SDC2: variants seen among roughly 807,000 people sequenced by gnomAD.
SDC2 encodes the protein syndecan-2.
Under a neutral mutation model 22.2 loss-of-function variants are expected in SDC2, and 13 were observed. The ratio of observed to expected loss-of-function variants is 0.59; its 90% confidence interval spans 0.38 to 0.93. The LOEUF (loss-of-function observed/expected upper bound fraction) is 0.93. Ranked by LOEUF, SDC2 falls within the 40% of genes least tolerant of loss-of-function variation. SDC2 has a pLI of 0.00. For synonymous variants in SDC2, 94 were observed against 92.8 expected, an observed-to-expected ratio of 1.01 and a Z score of -0.07; for missense variants, 235 against 246.8, an observed-to-expected ratio of 0.95 and a Z score of 0.32.
chr8:96,502,776 T>C (rs1294603196), intron 1 of SDC2, among the ~76,000 whole-genome samples: 2 of 152,234 alleles, frequency 1.3e-5, no homozygotes, highest in Non-Finnish European at 2.9e-5. Context: ...TAAAACTGAA[T>C]ATCCTAAAAT....
intron 1 of SDC2, among the ~76,000 whole-genome samples, chr8:96,593,074 A>G (rs749186508): frequency 2.6e-5 from 4 of 152,230 alleles, no homozygotes; most frequent in Non-Finnish European, 4.4e-5. Flanking sequence ...ATACCTTTGC[A>G]TACATCCCCA....
intron 1 of SDC2, among the ~76,000 whole-genome samples, chr8:96,519,780 C>T (rs953349722): frequency 3.3e-5 from 5 of 151,952 alleles, no homozygotes; most frequent in Admixed American, 2.6e-4. Context: ...ATTACAGGCG[C>T]GCACCTCCAC....
chr8:96,495,638 G>A (rs1302580853), intron 1 of SDC2, among the ~76,000 whole-genome samples: 1 of 152,072 alleles, frequency 6.6e-6, no homozygotes, highest in African/African-American at 2.4e-5. Flanking sequence ...TCATCTTAAG[G>A]TCTTTTAGGT....
intron 1 of SDC2, among the ~76,000 whole-genome samples, chr8:96,556,895 C>G: frequency 6.7e-6 from 1 of 149,922 alleles, no homozygotes; most frequent in East Asian, 2.0e-4. Context: ...GGCTAATATC[C>G]AGAATCTACA....
intron 1 of SDC2, among the ~76,000 whole-genome samples, chr8:96,536,983 C>A (rs1282360167): frequency 1.3e-5 from 2 of 152,174 alleles, no homozygotes; most frequent in Non-Finnish European, 2.9e-5. Context: ...TCTAAACTGA[C>A]AATGGCAGGC....
chr8:96,604,756 C>T (rs1433765015), intron 3 of SDC2, among the ~76,000 whole-genome samples: 1 of 152,302 alleles, frequency 6.6e-6, no homozygotes, highest in African/African-American at 2.4e-5. Flanking sequence ...ATTTCCATGG[C>T]ATCCAAACAA....
At chr8:96,602,356 T>G in intron 2 of SDC2, 39 bp from the exon 3 acceptor site, 1 of 1,605,162 alleles carries the variant, frequency 6.2e-7, no homozygotes, top group South Asian at 1.1e-5. Flanking sequence ...ATCTGTGTCA[T>G]GATTGCCATG....
chr8:96,593,391 G>A, intron 1 of SDC2, 89 bp from the exon 2 acceptor site: 1 of 798,896 alleles, frequency 1.3e-6, no homozygotes, highest in Non-Finnish European at 2.1e-6. Flanking sequence ...GGGAGGGGTA[G>A]TCACTGCAGT....
In SDC2 at chr8:96,602,410, TAG is replaced by T. The variant is rs761357226; in HGVS notation, c.193_194del (p.Pro66ArgfsTer15). On this transcript the variant is annotated frameshift_variant, in exon 3 of 5. Transcript: ENST00000302190. LOFTEE classifies it high-confidence loss of function. ...ACTTTTCCAGGAGCTGATGAGGATGTAGAGAGTCCAGAGCTGACAACATCTCG... is the reference window on the plus strand; with the variant it reads ...ACTTTTCCAGGAGCTGATGAGGATGTAGAGTCCAGAGCTGACAACATCTCG... The T allele has an allele frequency of 1.2e-6, 2 of 1,614,126 alleles. No homozygotes were observed. The highest frequency in any genetic ancestry group is 8.5e-7 in the Non-Finnish European group (1 of 1,179,996).
intron 1 of SDC2, among the ~76,000 whole-genome samples, chr8:96,530,316 A>C (rs1421495546): frequency 6.6e-6 from 1 of 152,216 alleles, no homozygotes; most frequent in Non-Finnish European, 1.5e-5. Context: ...AAAAATCAGA[A>C]TATACCACCA....
At chr8:96,532,420 T>TTG (rs1813677993) in intron 1 of SDC2, among the ~76,000 whole-genome samples, 2 of 142,614 alleles carry the variant, frequency 1.4e-5, no homozygotes, top group South Asian at 2.4e-4. Context: ...GCGTTTTTTT[T>TTG]TTTTTTTTTT....
chr8:96,494,126 C>T lies in SDC2; in HGVS notation c.-146C>T. The T allele has an allele frequency of 2.6e-6, 2 of 777,770 alleles. No homozygotes were observed. Among genetic ancestry groups the T allele is most frequent in the Non-Finnish European group, 3.9e-6 (2 of 508,992 alleles). 48.2% of individuals were successfully genotyped at this position (777,770 alleles called of 1,614,324 possible). On this transcript the variant is annotated 5_prime_UTR_variant, in exon 1 of 5. Transcript: ENST00000302190. ...GGAGGAAGCGAGCGCCCCCGAGCCC[C>T]GAGCCCGAGTCCCCGAGCCTGAGCC...
chr8:96,517,617 A>G (rs1249757063), intron 1 of SDC2, among the ~76,000 whole-genome samples: 1 of 152,108 alleles, frequency 6.6e-6, no homozygotes, highest in East Asian at 1.9e-4. Flanking sequence ...TTCTTGGCAC[A>G]CTTGTTGAAA....
intron 1 of SDC2, among the ~76,000 whole-genome samples, chr8:96,513,447 GAT>G (rs1344403679): frequency 6.6e-6 from 1 of 152,130 alleles, no homozygotes; most frequent in Non-Finnish European, 1.5e-5. Context: ...TGTGCCTTGA[GAT>G]ATAAATAGAG....
chr8:96,564,465 A>G (rs1309644695), intron 1 of SDC2, among the ~76,000 whole-genome samples: 8 of 152,170 alleles, frequency 5.3e-5, no homozygotes, highest in African/African-American at 1.9e-4. Context: ...TTCACTTCTC[A>G]TTGCACTTGC....
intron 1 of SDC2, among the ~76,000 whole-genome samples, chr8:96,584,575 A>G (rs1353883160): frequency 6.6e-6 from 1 of 152,136 alleles, no homozygotes; most frequent in Non-Finnish European, 1.5e-5. Flanking sequence ...ACAGAATCTC[A>G]TTACTTCAGT....
At chr8:96,586,619 T>A (rs1301333063) in intron 1 of SDC2, 1 of 152,220 alleles carries the variant, frequency 6.6e-6, no homozygotes, top group African/African-American at 2.4e-5. Flanking sequence ...TTGGGTCATT[T>A]CAGAAGCTTC....
chr8:96,494,496 T>C (rs1813017515), intron 1 of SDC2, among the ~76,000 whole-genome samples, 165 bp downstream of exon 1: 1 of 152,180 alleles, frequency 6.6e-6, no homozygotes, highest in African/African-American at 2.4e-5. Flanking sequence ...TTTCCCCCTC[T>C]TCCCTTCCTC....
At chr8:96,526,593 C>T (rs992475463) in intron 1 of SDC2, among the ~76,000 whole-genome samples, 4 of 151,934 alleles carry the variant, frequency 2.6e-5, no homozygotes. Flanking sequence ...ATGGAAACCA[C>T]TGTTGAGGAG....
Sources: gnomAD v4.1 joint callset for allele counts (sites outside exome capture counted in the v4.1 genomes callset) on GRCh38, gnomAD v4.1.1 for gene constraint, MANE v1.5 for transcripts, NCBI Gene and HGNC (gene_info 2026-07-23, HGNC 2026-07-21) for gene names.